Variants in RBL2 observed in about 807,000 individuals in gnomAD.
RBL2 encodes retinoblastoma-like protein 2.
In RBL2, 56 loss-of-function variants were observed where a neutral mutation model predicts 126.0. The ratio of observed to expected loss-of-function variants is 0.44; its 90% CI spans 0.36 to 0.56. The LOEUF is 0.56. Ranked by LOEUF, RBL2 falls within the 20% of genes least tolerant of loss-of-function variation. The pLI, the probability that RBL2 is intolerant of heterozygous loss-of-function variation, is 0.00. For synonymous variants in RBL2, 454 were observed against 478.5 expected (o/e 0.95, Z 0.67); for missense variants, 1,229 against 1,398.2 (o/e 0.88, Z 1.93).
At chr16:53,437,839 AAC>A (rs2057973547) in intron 1 of RBL2, among the ~76,000 whole-genome samples, 1 of 151,962 alleles carries the variant, frequency 6.6e-6, no homozygotes, top group Non-Finnish European at 1.5e-5. Context: ...CATCCTGGCT[AAC>A]ACATTGAAAC....
chr16:53,444,915 G>A (rs971991882), intron 3 of RBL2, among the ~76,000 whole-genome samples: 6 of 152,168 alleles, frequency 3.9e-5, no homozygotes, highest in African/African-American at 1.4e-4. Flanking sequence ...GTCTGAGTGA[G>A]GCCAATGTGA....
At position 53,434,473 on chromosome 16, in the gene RBL2, C is replaced by T; in HGVS notation, c.-84C>T. The T allele has an allele frequency of 7.8e-7, 1 of 1,284,988 alleles. No individual in the cohort carries two copies. Among genetic ancestry groups the T allele is most frequent in the Non-Finnish European group, 9.9e-7 (1 of 1,008,680 alleles). 79.6% of individuals were successfully genotyped at this position (1,284,988 alleles called of 1,614,324 possible). A position where few individuals can be genotyped will look rare whatever the true frequency, so the allele number is the denominator to read the frequency against. ...GGCGGCGCAGGCGCGGTGCGGGCGG[C>T]GGACGGGCGGGCGCTTCGCCGTTTG... On this transcript the variant is annotated 5_prime_UTR_variant, in exon 1 of 22. Coordinates refer to ENST00000262133, the MANE Select transcript of RBL2 (RefSeq NM_005611.4).
intron 1 of RBL2, among the ~76,000 whole-genome samples, chr16:53,438,321 T>G (rs1330121395): frequency 6.6e-6 from 1 of 152,182 alleles, no homozygotes; most frequent in East Asian, 1.9e-4. Flanking sequence ...GTAGCTAAAT[T>G]CTTACATGTT....
chr16:53,442,816 C>CA lies in RBL2; in HGVS notation c.530_531insA (p.Gln178SerfsTer22). 1 of 1,613,054 alleles carries CA rather than the reference C, an allele frequency of 6.2e-7. No individual in the cohort carries two copies. The highest frequency in any genetic ancestry group is 1.1e-5 in the South Asian group (1 of 90,798). On this transcript the variant is annotated frameshift_variant, in exon 3 of 22. Transcript: ENST00000262133. LOFTEE classifies it high-confidence loss of function. ...ATTTTTCAGGACATCTTTAAATACC[C>CA]TCAAGAGGAGCAACCTCGTCAGCAG...
chr16:53,459,434 A>ATTTTT lies in RBL2; in HGVS notation c.1180-11_1180-7dup. On this transcript the variant is annotated splice_polypyrimidine_tract_variant and intron_variant, in intron 8 of 21. Coordinates refer to ENST00000262133, the MANE Select transcript of RBL2 (RefSeq NM_005611.4). The stretch of plus-strand genomic sequence containing the variant: ...AAAAAATGTTTATTAATTCTGTGTA[A>ATTTTT]TTTTTTTTTTCTTTAGTCCAAAGCA... The ATTTTT allele has an allele frequency of 6.5e-7, 1 of 1,527,592 alleles. No individual in the cohort carries two copies. Among genetic ancestry groups the ATTTTT allele is most frequent in the African/African-American group, 1.4e-5 (1 of 72,334 alleles). The allele number at this position is 1,527,592 out of a possible 1,614,324, so 94.6% of individuals were successfully genotyped here. A position where few individuals can be genotyped will look rare whatever the true frequency, so the allele number is the denominator to read the frequency against.
intron 13 of RBL2, chr16:53,466,055 G>C (rs2058269660): frequency 6.5e-6 from 1 of 152,840 alleles, no homozygotes; most frequent in Non-Finnish European, 1.5e-5. Context: ...GGGGTTCTCA[G>C]GGACACCTGT....
At chr16:53,456,991 T>G (rs2058173403) in intron 8 of RBL2, among the ~76,000 whole-genome samples, 1 of 152,138 alleles carries the variant, frequency 6.6e-6, no homozygotes, top group Non-Finnish European at 1.5e-5. Context: ...ACCAAGGCTG[T>G]GACCAGTGTT....
At chr16:53,453,412 G>A in intron 5 of RBL2, 40 bp from the exon 6 acceptor site, 2 of 1,567,820 alleles carry the variant, frequency 1.3e-6, no homozygotes, top group Non-Finnish European at 1.7e-6. Context: ...TTGGCTTATT[G>A]TGTGCTGATA....
At chr16:53,475,143 A>T (rs1340453267) in intron 17 of RBL2, among the ~76,000 whole-genome samples, 1 of 152,322 alleles carries the variant, frequency 6.6e-6, no homozygotes, top group East Asian at 1.9e-4. Flanking sequence ...GCAAATAATT[A>T]TAATATTTCC....
intron 10 of RBL2, among the ~76,000 whole-genome samples, 190 bp downstream of exon 10, chr16:53,462,040 G>T (rs979594780): frequency 1.3e-5 from 2 of 152,136 alleles, no homozygotes; most frequent in Non-Finnish European, 2.9e-5. Context: ...TTTTAGAATG[G>T]TATCTTTATT....
intron 9 of RBL2, among the ~76,000 whole-genome samples, chr16:53,459,874 C>T (rs1304466014): frequency 7.2e-6 from 1 of 139,488 alleles, no homozygotes; most frequent in African/African-American, 2.7e-5. Flanking sequence ...ACAAAAGTGT[C>T]TTATTGCCAA....
At chr16:53,458,616 T>C (rs1048697554) in intron 8 of RBL2, among the ~76,000 whole-genome samples, 1 of 152,210 alleles carries the variant, frequency 6.6e-6, no homozygotes, top group African/African-American at 2.4e-5. Flanking sequence ...TTAATTCATT[T>C]TAACGCTGCT....
chr16:53,442,980 A>T (rs975419147), intron 3 of RBL2, 122 bp downstream of exon 3: 11 of 814,912 alleles, frequency 1.3e-5, no homozygotes, highest in Non-Finnish European at 2.0e-5. Flanking sequence ...CTTTTTCCTC[A>T]GTCGTTTTCT....
Position 53,470,426 on chromosome 16 carries a change from A to G in RBL2, c.2289A>G (p.Gln763=). ...GAGGGATAACATTCTTCCCTGTCCA[A>G]GTCAATGTTGGGGGGCAGGCACAAG... The part of the protein sequence containing the change: ...ENGGITFFPV[Q]VNVGGQAQAV... The change falls in exon 16 of 22, where the codon CAA becomes CAG. Residue 763 remains glutamine, a synonymous_variant. Transcript: ENST00000262133. 1 of 1,614,162 alleles carries G rather than the reference A, an allele frequency of 6.2e-7. No individual in the cohort carries two copies. The highest frequency in any genetic ancestry group is 8.5e-7 in the Non-Finnish European group (1 of 1,180,028).
intron 8 of RBL2, among the ~76,000 whole-genome samples, chr16:53,457,554 C>T (rs1006046285): frequency 6.6e-6 from 1 of 151,962 alleles, no homozygotes; most frequent in Non-Finnish European, 1.5e-5. Flanking sequence ...CCACCATGCC[C>T]AGCCGTAGAT....
Position 53,442,819 on chromosome 16 carries a change from A to T in RBL2, c.533A>T (p.Gln178Leu). The stretch of plus-strand genomic sequence containing the variant: ...TTTCAGGACATCTTTAAATACCCTC[A>T]AGAGGAGCAACCTCGTCAGCAGCGA... ...PIFQDIFKYP[Q>L]EEQPRQQRGR... The change falls in exon 3 of 22, where the codon CAA becomes CTA. Residue 178 changes from glutamine to leucine, a missense_variant. This residue lies in a region of RBL2 where 1,070 missense variants were observed against 1,274.3 expected (regional missense o/e 0.84). Coordinates refer to ENST00000262133, the MANE Select transcript of RBL2 (RefSeq NM_005611.4). 6.2e-7 allele frequency: 1 copy of T among 1,613,254 alleles called. No individual in the cohort carries two copies. The highest frequency in any genetic ancestry group is 8.5e-7 in the Non-Finnish European group (1 of 1,179,548).
chr16:53,484,575 G>A (rs1020672882), intron 21 of RBL2, among the ~76,000 whole-genome samples: 4 of 152,190 alleles, frequency 2.6e-5, no homozygotes, highest in African/African-American at 7.2e-5. Context: ...AGTGAAAGAA[G>A]CCAGTCACAA....
chr16:53,471,068 A>G (rs2058318911), intron 17 of RBL2, 146 bp downstream of exon 17: 2 of 753,130 alleles, frequency 2.7e-6, no homozygotes, highest in Non-Finnish European at 4.2e-6. Flanking sequence ...ATATTCACAG[A>G]TATGTGCAAT....
intron 3 of RBL2, among the ~76,000 whole-genome samples, chr16:53,446,292 T>A (rs2153139532): frequency 1.3e-5 from 2 of 151,864 alleles, no homozygotes; most frequent in Admixed American, 1.3e-4. Context: ...TGTACCCAAG[T>A]AGAGTAATCT....
Sources: gnomAD v4.1 joint callset for allele counts (sites outside exome capture counted in the v4.1 genomes callset) on GRCh38, gnomAD v4.1.1 for gene constraint, gnomAD v4.1.1 regional missense constraint, MANE v1.5 for transcripts, NCBI Gene and HGNC (gene_info 2026-07-23, HGNC 2026-07-21) for gene names.